Variants in ZBTB7C observed in about 807,000 individuals in gnomAD.
ZBTB7C encodes zinc finger and BTB domain containing 7C, also known as zinc finger and BTB domain-containing protein 7C.
In ZBTB7C, 8 loss-of-function variants were observed where a neutral mutation model predicts 25.7. That is an observed-to-expected ratio of 0.31 (90% CI 0.18 to 0.56). The LOEUF (loss-of-function observed/expected upper bound fraction) is 0.56. ZBTB7C is among the 20% of genes least tolerant of loss of function. The pLI, the probability that ZBTB7C is intolerant of heterozygous loss-of-function variation, is 0.91. For synonymous variants in ZBTB7C, 394 were observed against 369.0 expected (o/e 1.07, Z -0.78); for missense variants, 824 against 855.2 (o/e 0.96, Z 0.46).
At chr18:48,163,535 A>G (rs2041142801) in intron 3 of ZBTB7C, among the ~76,000 whole-genome samples, 1 of 152,224 alleles carries the variant, frequency 6.6e-6, no homozygotes, top group Non-Finnish European at 1.5e-5. Context: ...TCCCCAAAGT[A>G]GCTCAGGAAG....
At chr18:48,251,672 C>T (rs1420683242) in intron 2 of ZBTB7C, among the ~76,000 whole-genome samples, 2 of 152,188 alleles carry the variant, frequency 1.3e-5, no homozygotes, top group East Asian at 3.9e-4. Context: ...GTGGCACTGG[C>T]CAGGTAGAGA....
chr18:48,054,754 T>C (rs896820451), intron 3 of ZBTB7C, among the ~76,000 whole-genome samples: 2 of 152,188 alleles, frequency 1.3e-5, no homozygotes, highest in Non-Finnish European at 2.9e-5. Context: ...TATTATTATA[T>C]AGAACTTTTA....
In ZBTB7C at chr18:48,029,931, G is replaced by A; in HGVS notation, c.1209-20C>T. On this transcript the variant is annotated intron_variant, in intron 4 of 4. Coordinates refer to ENST00000590800, the MANE Select transcript of ZBTB7C (RefSeq NM_001318841.2). ...TCCTGCCTGCAATGCAGAGACTGGGGGTCAGTCCCGCAGGGAACACCAGGA... is the reference window on the plus strand; with the variant it reads ...TCCTGCCTGCAATGCAGAGACTGGGAGTCAGTCCCGCAGGGAACACCAGGA... The A allele has an allele frequency of 2.5e-6, 4 of 1,609,046 alleles. No individual in the cohort carries two copies. Among genetic ancestry groups the A allele is most frequent in the Non-Finnish European group, 3.4e-6 (4 of 1,179,964 alleles).
chr18:48,140,005 G>A (rs139219390), intron 3 of ZBTB7C, among the ~76,000 whole-genome samples: 7 of 152,144 alleles, frequency 4.6e-5, no homozygotes, highest in East Asian at 3.9e-4. Flanking sequence ...GTGGAAGCCC[G>A]CTGGCTTCAC....
chr18:48,087,635 A>G (rs2038240831), intron 3 of ZBTB7C: 1 of 151,640 alleles, frequency 6.6e-6, no homozygotes, highest in Non-Finnish European at 1.5e-5. Flanking sequence ...AAAATTAAAA[A>G]GAAAAAAAAA....
chr18:48,096,329 T>C (rs1424545813), intron 3 of ZBTB7C, among the ~76,000 whole-genome samples: 1 of 152,206 alleles, frequency 6.6e-6, no homozygotes, highest in Non-Finnish European at 1.5e-5. Context: ...TGACTTTTTA[T>C]GAAAGCTCTG....
chr18:48,288,427 C>G (rs1053022902), intron 2 of ZBTB7C, among the ~76,000 whole-genome samples: 2 of 151,474 alleles, frequency 1.3e-5, no homozygotes, highest in Non-Finnish European at 2.9e-5. Context: ...CCGGGTGGAT[C>G]ACCTGAGGCC....
At chr18:48,089,963 G>A (rs994333854) in intron 3 of ZBTB7C, among the ~76,000 whole-genome samples, 14 of 152,240 alleles carry the variant, frequency 9.2e-5, no homozygotes, top group Non-Finnish European at 2.1e-4. Context: ...AGCAAGGATA[G>A]TTCTGGGATT....
chr18:48,111,724 C>A (rs2039248291), intron 3 of ZBTB7C, among the ~76,000 whole-genome samples: 1 of 152,168 alleles, frequency 6.6e-6, no homozygotes. Flanking sequence ...TGCACTCACT[C>A]ATTATTAAAG....
In ZBTB7C at chr18:48,316,589, T is replaced by C. The variant is rs550950164; in HGVS notation, c.-79+21585A>G. Among the ~76,000 whole-genome samples the C allele has an allele frequency of 9.0e-4, 137 of 152,228 alleles. 2 individuals are homozygous for C. The highest frequency in any genetic ancestry group is 1.7e-3 in the Non-Finnish European group (116 of 68,040). On this transcript the variant is annotated intron_variant, in intron 2 of 4. Coordinates refer to ENST00000590800, the MANE Select transcript of ZBTB7C (RefSeq NM_001318841.2). ...TGGCAATGAGTGACTTCTTGCTCTA[T>C]AGTTCACAGGAGAGCTGGTTGTTTT... is the stretch of plus-strand genomic sequence containing the variant.
At chr18:48,049,811 T>C (rs936823818) in intron 3 of ZBTB7C, among the ~76,000 whole-genome samples, 4 of 152,062 alleles carry the variant, frequency 2.6e-5, no homozygotes, top group African/African-American at 9.7e-5. Flanking sequence ...ATTGCTATGA[T>C]CCACAAGTCT....
chr18:48,044,100 G>T (rs1320860221), intron 3 of ZBTB7C, among the ~76,000 whole-genome samples: 1 of 152,202 alleles, frequency 6.6e-6, no homozygotes, highest in Non-Finnish European at 1.5e-5. Context: ...TGAGGGGCCA[G>T]GTTCTGTTCT....
At position 48,313,544 on chromosome 18, in the gene ZBTB7C, C is replaced by A. The variant is rs1568369801; in HGVS notation, c.-79+24630G>T. ...GTTACTCAAAGTATGGTCCCTGGAC[C>A]AGCAGCATAGGCCTTGTTAAGAGGT... On this transcript the variant is annotated intron_variant, in intron 2 of 4. Coordinates refer to ENST00000590800, the MANE Select transcript of ZBTB7C (RefSeq NM_001318841.2). Among the ~76,000 whole-genome samples the A allele has an allele frequency of 3.9e-5, 6 of 152,314 alleles. No homozygotes were observed. In the South Asian group the frequency reaches 1.2e-3, roughly 32 times the overall value.
chr18:48,223,394 C>T (rs1229262325), intron 2 of ZBTB7C, among the ~76,000 whole-genome samples: 1 of 152,150 alleles, frequency 6.6e-6, no homozygotes, highest in Non-Finnish European at 1.5e-5. Context: ...TAACCAATGC[C>T]CCCCAACCCC....
At chr18:48,152,991 C>T (rs2040724554) in intron 3 of ZBTB7C, among the ~76,000 whole-genome samples, 1 of 152,242 alleles carries the variant, frequency 6.6e-6, no homozygotes, top group African/African-American at 2.4e-5. Flanking sequence ...GTACCCGAAG[C>T]CAGGCAGGGT....
chr18:48,369,652 G>C (rs904276768), intron 1 of ZBTB7C, among the ~76,000 whole-genome samples: 1 of 152,268 alleles, frequency 6.6e-6, no homozygotes, highest in Admixed American at 6.5e-5. Context: ...CAGAGACAGA[G>C]AGGGATATTG....
chr18:48,224,709 C>T (rs936892784), intron 2 of ZBTB7C, among the ~76,000 whole-genome samples: 1 of 152,186 alleles, frequency 6.6e-6, no homozygotes, highest in African/African-American at 2.4e-5. Flanking sequence ...ACCCGTAAGG[C>T]CTTTTTCCCA....
chr18:48,262,903 C>T (rs1478488448), intron 2 of ZBTB7C, among the ~76,000 whole-genome samples: 1 of 152,180 alleles, frequency 6.6e-6, no homozygotes, highest in Non-Finnish European at 1.5e-5. Flanking sequence ...GCCAAGAGCA[C>T]TGGCTGGGCC....
intron 1 of ZBTB7C, among the ~76,000 whole-genome samples, chr18:48,387,720 G>A (rs1219631940): frequency 6.6e-6 from 1 of 152,202 alleles, no homozygotes; most frequent in African/African-American, 2.4e-5. Flanking sequence ...TATCAGAAGC[G>A]GCAAACCAGC....
Sources: allele counts gnomAD v4.1 joint callset (sites outside exome capture counted in the v4.1 genomes callset), GRCh38; gene constraint gnomAD v4.1.1; transcripts MANE v1.5; gene names NCBI Gene and HGNC (gene_info 2026-07-23, HGNC 2026-07-21).